The following CNEP1R1 variants were observed in gnomAD, a reference collection of about 807,000 sequenced individuals.
CNEP1R1 encodes the protein nuclear envelope phosphatase-regulatory subunit 1.
In CNEP1R1, 10 loss-of-function variants were observed where a neutral mutation model predicts 22.7. That is an observed-to-expected ratio of 0.44 (90% CI 0.27 to 0.75). The LOEUF (loss-of-function observed/expected upper bound fraction) is 0.75, where lower values mean the gene tolerates loss of function less well. CNEP1R1 is among the 30% of genes least tolerant of loss of function. The pLI is 0.17. For missense variants in CNEP1R1, 73 were observed against 151.5 expected, an observed-to-expected ratio of 0.48 and a Z score of 2.72; for synonymous variants, 53 against 50.1, an observed-to-expected ratio of 1.06 and a Z score of -0.25.
intron 3 of CNEP1R1, among the ~76,000 whole-genome samples, chr16:50,030,684 T>C (rs2144277357): frequency 6.6e-6 from 1 of 152,350 alleles, no homozygotes; most frequent in East Asian, 1.9e-4. Flanking sequence ...CTTGCCAGAA[T>C]TGGATTATAA....
chr16:50,030,760 A>G (rs2036224434), intron 3 of CNEP1R1, among the ~76,000 whole-genome samples: 1 of 152,230 alleles, frequency 6.6e-6, no homozygotes, highest in African/African-American at 2.4e-5. Flanking sequence ...TGCCTGTAAG[A>G]TAACACATAT....
At chr16:50,034,523 T>A (rs1213748133) in intron 5 of CNEP1R1, 1 of 184,366 alleles carries the variant, frequency 5.4e-6, no homozygotes, top group Non-Finnish European at 9.8e-6. Context: ...TATCAAGTGA[T>A]ATGCTATATA....
intron 3 of CNEP1R1, among the ~76,000 whole-genome samples, chr16:50,032,123 T>TG (rs1162375279): frequency 6.6e-6 from 1 of 152,242 alleles, no homozygotes; most frequent in East Asian, 1.9e-4. Context: ...GCCATCTACC[T>TG]GGTGCTTCTG....
chr16:50,028,207 C>T (rs570113248), intron 2 of CNEP1R1, among the ~76,000 whole-genome samples: 1 of 152,302 alleles, frequency 6.6e-6, no homozygotes, highest in East Asian at 1.9e-4. Flanking sequence ...GTGATCCTCC[C>T]ATCCTGGCTT....
At chr16:50,025,412 C>A in intron 1 of CNEP1R1, 72 bp downstream of exon 1, 2 of 1,368,786 alleles carry the variant, frequency 1.5e-6, no homozygotes, top group South Asian at 1.5e-5. Context: ...GAGCCGGCGT[C>A]GTGAAGACCC....
chr16:50,025,855 G>A lies in CNEP1R1; in HGVS notation c.25+515G>A, dbSNP rs1480504145. 7.9e-6 allele frequency: 5 copies of A among 631,642 alleles called. No homozygotes were observed. The African/African-American group carries it at 9.2e-5, about 12-fold the overall frequency. The allele number at this position is 631,642 out of a possible 1,614,324, so 39.1% of individuals were successfully genotyped here. A position where few individuals can be genotyped will look rare whatever the true frequency, so the allele number is the denominator to read the frequency against. ...GATCACCTGTACCCCTTCGGAGGGG[G>A]CAAGGGGAATGTCTTTCCACACCCA... On this transcript the variant is annotated intron_variant, in intron 1 of 5. Coordinates refer to ENST00000427478, the MANE Select transcript of CNEP1R1 (RefSeq NM_001281789.2).
chr16:50,026,520 C>A, intron 2 of CNEP1R1, 53 bp downstream of exon 2: 1 of 1,257,214 alleles, frequency 8.0e-7, no homozygotes. Flanking sequence ...TACTTTTATC[C>A]TAATATAGGA....
chr16:50,034,935 A>G (rs1278658620), intron 5 of CNEP1R1, among the ~76,000 whole-genome samples: 1 of 152,204 alleles, frequency 6.6e-6, no homozygotes, highest in African/African-American at 2.4e-5. Context: ...CCAGTGTGTA[A>G]TAAGGGTGTC....
intron 1 of CNEP1R1, chr16:50,025,546 A>C (rs1214519394): frequency 1.6e-6 from 2 of 1,213,674 alleles, no homozygotes; most frequent in Non-Finnish European, 2.4e-6. Flanking sequence ...ACAAACCTAG[A>C]GGGTCGACCT....
At chr16:50,026,027 T>A in intron 1 of CNEP1R1, 1 of 447,678 alleles carries the variant, frequency 2.2e-6, no homozygotes, top group Non-Finnish European at 4.0e-6. Flanking sequence ...AATAGGAAGT[T>A]CTTGGTTCCC....
chr16:50,026,239 A>C lies in CNEP1R1; in HGVS notation c.26-157A>C, dbSNP rs79550856. The C allele has an allele frequency of 8.2e-3, 4,212 of 515,456 alleles. 131 individuals are homozygous for C. Among genetic ancestry groups the C allele is most frequent in the African/African-American group, 0.073 (3,830 of 52,802 alleles). 31.9% of individuals were successfully genotyped at this position (515,456 alleles called of 1,614,324 possible). A position where few individuals can be genotyped will look rare whatever the true frequency, so the allele number is the denominator to read the frequency against. On this transcript the variant is annotated intron_variant, in intron 1 of 5. Transcript: ENST00000427478. ...AAGTGCTTAAAAAGCTGTCATAGTA[A>C]ATGAAATAAACAGTGCAGTGATACA... is the stretch of plus-strand genomic sequence containing the variant.
intron 4 of CNEP1R1, 41 bp downstream of exon 4, chr16:50,033,547 T>G (rs376827901): frequency 4.6e-6 from 5 of 1,096,896 alleles, no homozygotes; most frequent in Non-Finnish European, 6.9e-6. Context: ...TCTGAAGTGC[T>G]TTGTTGATCT....
Position 50,034,375 on chromosome 16 carries a change from CAATTT to C in CNEP1R1, c.336+223_336+227del, listed in dbSNP as rs1311485144. On this transcript the variant is annotated intron_variant, in intron 5 of 5. Transcript: ENST00000427478. ...AGATCTGACAAATTGGGAGAGTTGACAATTTAATCTTTCTTAATGACATAAAATCA... is the reference window on the plus strand; with the variant it reads ...AGATCTGACAAATTGGGAGAGTTGACAATCTTTCTTAATGACATAAAATCA... 5 of 518,400 alleles carry C rather than the reference CAATTT, an allele frequency of 9.6e-6. No homozygotes were observed. The Admixed American group carries it at 1.0e-4, about 10-fold the overall frequency. The allele number at this position is 518,400 out of a possible 1,614,324, so 32.1% of individuals were successfully genotyped here.
chr16:50,032,427 G>A (rs946746168), intron 3 of CNEP1R1, among the ~76,000 whole-genome samples: 11 of 151,980 alleles, frequency 7.2e-5, no homozygotes, highest in South Asian at 2.1e-4. Flanking sequence ...TTTCTCCTTC[G>A]TTCTAGTTCT....
At chr16:50,029,008 C>T (rs1181848626) in intron 2 of CNEP1R1, among the ~76,000 whole-genome samples, 1 of 152,140 alleles carries the variant, frequency 6.6e-6, no homozygotes, top group Non-Finnish European at 1.5e-5. Context: ...ATGTATGCAT[C>T]CTAGCTGAAA....
chr16:50,026,619 A>G lies in CNEP1R1; in HGVS notation c.97+152A>G. On this transcript the variant is annotated intron_variant, in intron 2 of 5. Coordinates refer to ENST00000427478, the MANE Select transcript of CNEP1R1 (RefSeq NM_001281789.2). ...AAGAAATTTTTAAGAAAAGGAAATT[A>G]TAACTGGCCTTCTCAAAAGAACAGT... is the stretch of plus-strand genomic sequence containing the variant. The G allele has an allele frequency of 4.8e-6, 3 of 621,370 alleles. No individual in the cohort carries two copies. The East Asian group carries it at 8.3e-5, about 17-fold the overall frequency. The allele number at this position is 621,370 out of a possible 1,614,324, so 38.5% of individuals were successfully genotyped here. A position where few individuals can be genotyped will look rare whatever the true frequency, so the allele number is the denominator to read the frequency against.
chr16:50,025,835 C>T (rs957384600), intron 1 of CNEP1R1: 23 of 702,902 alleles, frequency 3.3e-5, no homozygotes, highest in Non-Finnish European at 5.4e-5. Context: ...ACGAAGATCA[C>T]CTGTACCCCT....
intron 3 of CNEP1R1, among the ~76,000 whole-genome samples, chr16:50,030,013 A>G (rs188152831): frequency 6.7e-4 from 102 of 152,292 alleles, no homozygotes; most frequent in African/African-American, 2.4e-3. Flanking sequence ...AAGAGATGCT[A>G]TTATTTCTTA....
chr16:50,029,564 G>A (rs1296878642), intron 2 of CNEP1R1, among the ~76,000 whole-genome samples, 161 bp from the exon 3 acceptor site: 1 of 152,148 alleles, frequency 6.6e-6, no homozygotes, highest in East Asian at 1.9e-4. Context: ...AGAATTCCTC[G>A]AAGCCAGATG....
Sources: allele counts gnomAD v4.1 joint callset (sites outside exome capture counted in the v4.1 genomes callset), GRCh38; gene constraint gnomAD v4.1.1; transcripts MANE v1.5; gene names NCBI Gene and HGNC (gene_info 2026-07-23, HGNC 2026-07-21).